The following CMAS variants were observed in gnomAD, a reference collection of about 807,000 sequenced individuals.
CMAS encodes the protein N-acylneuraminate cytidylyltransferase.
A neutral mutation model predicts 53.4 loss-of-function variants in CMAS; 21 were observed. The observed-to-expected ratio is 0.39, with a 90% confidence interval of 0.28 to 0.57. The LOEUF is 0.57. Among genes scored for constraint, CMAS ranks in the 20% least tolerant of loss-of-function variants. The probability of loss-of-function intolerance (pLI) is 0.56; values close to 1 mark genes in which losing one functional copy is unlikely to be tolerated. For missense variants in CMAS, 384 were observed against 534.9 expected, an observed-to-expected ratio of 0.72 and a Z score of 2.78; for synonymous variants, 189 against 195.2, an observed-to-expected ratio of 0.97 and a Z score of 0.27.
At chr12:22,060,176 G>C (rs1010102849) in intron 4 of CMAS, among the ~76,000 whole-genome samples, 1 of 151,642 alleles carries the variant, frequency 6.6e-6, no homozygotes, top group Non-Finnish European at 1.5e-5. Flanking sequence ...ATGATTAAGG[G>C]ATTTCCACAA....
At chr12:22,055,342 CCTTT>C in intron 2 of CMAS, 51 bp downstream of exon 2, 1 of 1,487,806 alleles carries the variant, frequency 6.7e-7, no homozygotes, top group East Asian at 2.3e-5. Context: ...TTTTCTACTT[CCTTT>C]ATTATCTTAT....
At position 22,065,404 on chromosome 12, in the gene CMAS, CAG is replaced by C. The variant is rs1435594620; in HGVS notation, c.*98_*99del. 23 of 959,932 alleles carry C rather than the reference CAG, an allele frequency of 2.4e-5. No homozygotes were observed. Among genetic ancestry groups the C allele is most frequent in the Non-Finnish European group, 2.8e-5 (18 of 634,242 alleles). 59.5% of individuals were successfully genotyped at this position (959,932 alleles called of 1,614,324 possible). A position where few individuals can be genotyped will look rare whatever the true frequency, so the allele number is the denominator to read the frequency against. ...AAGTAAATTCCATGTTGTAATGTTA[CAG>C]AGAGTGTGATTTGGTTTGTGATATA... On this transcript the variant is annotated 3_prime_UTR_variant, in exon 8 of 8. Transcript: ENST00000229329.
At position 22,053,501 on chromosome 12, in the gene CMAS, T is replaced by C. The variant is rs200384408; in HGVS notation, c.261-1648T>C. On this transcript the variant is annotated intron_variant, in intron 1 of 7. Coordinates refer to ENST00000229329, the MANE Select transcript of CMAS (RefSeq NM_018686.6). ...ATGTTTGTGTGTGTATATATATATA[T>C]ACACACCAAATATATATATATATAT... Among the ~76,000 whole-genome samples, 520 of 144,058 alleles carry C rather than the reference T, an allele frequency of 3.6e-3. 3 individuals carry two copies. The highest frequency in any genetic ancestry group is 0.012 in the African/African-American group (463 of 38,500). The allele number at this position is 144,058 out of a possible 152,430, so 94.5% of individuals were successfully genotyped here.
intron 1 of CMAS, among the ~76,000 whole-genome samples, chr12:22,050,909 T>C (rs1196961858): frequency 6.6e-6 from 1 of 152,058 alleles, no homozygotes; most frequent in Non-Finnish European, 1.5e-5. Context: ...TGTTGACTTA[T>C]ATTCAATTGA....
chr12:22,051,699 A>T (rs1332707598), intron 1 of CMAS, among the ~76,000 whole-genome samples: 1 of 152,142 alleles, frequency 6.6e-6, no homozygotes, highest in Non-Finnish European at 1.5e-5. Context: ...TACTGTTTTC[A>T]TATTTTTTTC....
intron 4 of CMAS, 131 bp from the exon 5 acceptor site, chr12:22,060,701 C>A: frequency 1.8e-6 from 1 of 563,520 alleles, no homozygotes. Flanking sequence ...TTTTATGTGA[C>A]TGATTTTTAC....
chr12:22,058,826 T>C, intron 4 of CMAS, 126 bp downstream of exon 4: 2 of 1,119,604 alleles, frequency 1.8e-6, no homozygotes, highest in Non-Finnish European at 2.5e-6. Flanking sequence ...GGAAAGGTAA[T>C]AGCCAACAAC....
intron 1 of CMAS, among the ~76,000 whole-genome samples, chr12:22,052,913 C>T (rs867690663): frequency 7.9e-5 from 12 of 152,036 alleles, no homozygotes; most frequent in Admixed American, 6.6e-4. Flanking sequence ...AGGGAATAAA[C>T]GAAATAAATA....
intron 4 of CMAS, 123 bp downstream of exon 4, chr12:22,058,823 T>G (rs1950287464): frequency 8.6e-7 from 1 of 1,161,058 alleles, no homozygotes; most frequent in Non-Finnish European, 1.2e-6. Flanking sequence ...AGAGGAAAGG[T>G]AATAGCCAAC....
intron 5 of CMAS, 119 bp downstream of exon 5, chr12:22,061,045 G>GA (rs1720811180): frequency 1.4e-6 from 1 of 734,688 alleles, no homozygotes; most frequent in African/African-American, 1.8e-5. Flanking sequence ...TTCATGTGAG[G>GA]AAGACATGTA....
intron 1 of CMAS, among the ~76,000 whole-genome samples, chr12:22,049,308 A>G (rs1950225454): frequency 1.3e-5 from 2 of 152,194 alleles, no homozygotes; most frequent in African/African-American, 2.4e-5. Flanking sequence ...ATTGGAGTAC[A>G]ATTACCAAAA....
chr12:22,048,874 A>G (rs750862692), intron 1 of CMAS, among the ~76,000 whole-genome samples: 3 of 152,150 alleles, frequency 2.0e-5, no homozygotes, highest in Admixed American at 6.5e-5. Context: ...ACAAATCCAT[A>G]TGGCCTAGTC....
At chr12:22,053,748 G>A (rs1184880840) in intron 1 of CMAS, among the ~76,000 whole-genome samples, 1 of 147,870 alleles carries the variant, frequency 6.8e-6, no homozygotes, top group Non-Finnish European at 1.5e-5. Flanking sequence ...GCGTGTTGGC[G>A]GGCGCCTGTA....
Position 22,065,526 on chromosome 12 carries a change from A to G in CMAS, c.*215A>G. 2.1e-6 allele frequency: 1 copy of G among 484,934 alleles called. No homozygotes were observed. Among genetic ancestry groups the G allele is most frequent in the African/African-American group, 1.9e-5 (1 of 52,102 alleles). The allele number at this position is 484,934 out of a possible 1,614,324, so 30.0% of individuals were successfully genotyped here. On this transcript the variant is annotated 3_prime_UTR_variant, in exon 8 of 8. Transcript: ENST00000229329. The stretch of plus-strand genomic sequence containing the variant: ...ATTTTTAGTAAATGCAAGTAAGAAC[A>G]TCATCAAAGTTCACTTTGTATTGTA...
rs764144464 is a variant in CMAS, at chr12:22,065,193, C to G, written c.1187C>G (p.Thr396Ser). The G allele has an allele frequency of 1.9e-6, 3 of 1,614,072 alleles. No homozygotes were observed. The highest frequency in any genetic ancestry group is 1.7e-6 in the Non-Finnish European group (2 of 1,179,948). ...LSGAPADACSTAQKAVGYICK... is the reference protein window; with the variant it reads ...LSGAPADACSSAQKAVGYICK... ...GGCGCTCCTGCTGATGCCTGTTCTA[C>G]TGCCCAGAAGGCTGTTGGATACATT... Residue 396 changes from threonine to serine, a missense_variant, in exon 8 of 8, where the codon ACT (threonine) becomes AGT (serine). Around this residue, in one of 3 missense-constraint regions of CMAS, gnomAD observed 134 missense variants for 154.6 expected, o/e 0.87. Transcript: ENST00000229329.
At chr12:22,046,702 G>T (rs936399807) in intron 1 of CMAS, 139 bp downstream of exon 1, 10 of 1,056,348 alleles carry the variant, frequency 9.5e-6, no homozygotes, top group Non-Finnish European at 1.0e-5. Context: ...GCAAGATCCG[G>T]GGTGCCTGGG....
intron 4 of CMAS, among the ~76,000 whole-genome samples, chr12:22,059,971 C>A (rs984227689): frequency 6.6e-6 from 1 of 152,050 alleles, no homozygotes; most frequent in Non-Finnish European, 1.5e-5. Context: ...TTGCCTTTGC[C>A]TGCATGTGAC....
chr12:22,061,291 T>G lies in CMAS; in HGVS notation c.799T>G (p.Phe267Val). Residue 267 changes from phenylalanine to valine, a missense_variant, in exon 6 of 8, where the codon TTT becomes GTT. This residue lies in a region of CMAS where 139 missense variants were observed against 248.0 expected (regional missense o/e 0.56). Transcript: ENST00000229329. Reference protein sequence around the residue: ...AEQRVLRYGYFGKEKLKEIKL... With the variant: ...AEQRVLRYGYVGKEKLKEIKL... Reference sequence around the variant, plus strand: ...TTTGGTTTCTTTTAGATATGGCTATTTTGGCAAAGAGAAGCTTAAGGAAAT... The same window carrying G: ...TTTGGTTTCTTTTAGATATGGCTATGTTGGCAAAGAGAAGCTTAAGGAAAT... 5.6e-6 allele frequency: 9 copies of G among 1,611,904 alleles called. No homozygotes were observed. The highest frequency in any genetic ancestry group is 7.6e-6 in the Non-Finnish European group (9 of 1,179,004).
rs1373717348 is a variant in CMAS at position 22,055,441 on chromosome 12, CT to C, written c.404-12del. On this transcript the variant is annotated splice_polypyrimidine_tract_variant and intron_variant, in intron 2 of 7. Coordinates refer to ENST00000229329, the MANE Select transcript of CMAS (RefSeq NM_018686.6). ...TTTTTTAAATATCCTTTTCATTTCTCTTGTCTTTTTAAGAGGTTGACATTGT... is the reference window on the plus strand; with the variant it reads ...TTTTTTAAATATCCTTTTCATTTCTCTGTCTTTTTAAGAGGTTGACATTGT... The C allele has an allele frequency of 6.4e-7, 1 of 1,564,708 alleles. No homozygotes were observed. The highest frequency in any genetic ancestry group is 8.6e-7 in the Non-Finnish European group (1 of 1,161,504).
Sources: allele counts gnomAD v4.1 joint callset (sites outside exome capture counted in the v4.1 genomes callset), GRCh38; gene constraint gnomAD v4.1.1; regional missense constraint gnomAD v4.1.1; transcripts MANE v1.5; gene names NCBI Gene and HGNC (gene_info 2026-07-23, HGNC 2026-07-21).